The following BCAT1 variants were observed in gnomAD, a reference collection of about 807,000 sequenced individuals.
The protein encoded by BCAT1 is branched chain amino acid transaminase 1.
In BCAT1, 48 loss-of-function variants were observed where a neutral mutation model predicts 52.4. The ratio of observed to expected loss-of-function variants is 0.92; its 90% confidence interval spans 0.73 to 1.16. The LOEUF (loss-of-function observed/expected upper bound fraction) is 1.16. Among genes scored for constraint, BCAT1 ranks in the 50% most tolerant of loss-of-function variants. BCAT1 has a pLI of 0.00. For synonymous variants in BCAT1, 167 were observed against 161.3 expected (o/e 1.04, Z -0.27); for missense variants, 451 against 457.1 (o/e 0.99, Z 0.12).
intron 1 of BCAT1, among the ~76,000 whole-genome samples, chr12:24,929,572 T>C (rs983711105): frequency 6.6e-6 from 1 of 152,174 alleles, no homozygotes; most frequent in African/African-American, 2.4e-5. Flanking sequence ...GAAGATTTTA[T>C]CACCAGGGAG....
chr12:24,902,137 T>A, intron 1 of BCAT1: 2 of 1,446,902 alleles, frequency 1.4e-6, no homozygotes, highest in Non-Finnish European at 1.8e-6. Flanking sequence ...CAGGGAAGAC[T>A]GGTTAAATTC....
At position 24,841,961 on chromosome 12, in the gene BCAT1, G is replaced by A. The variant is rs1941189183; in HGVS notation, c.817+121C>T. ...CTATTTGGGCAGCAAAAGCACAGTAGTCCTTACTTAGCCTTTGGAACTGTG... is the reference window on the plus strand; with the variant it reads ...CTATTTGGGCAGCAAAAGCACAGTAATCCTTACTTAGCCTTTGGAACTGTG... On this transcript the variant is annotated intron_variant, in intron 7 of 10. Transcript: ENST00000261192. The A allele has an allele frequency of 1.5e-5, 17 of 1,142,410 alleles. No homozygotes were observed. The East Asian group carries it at 3.6e-4, about 24-fold the overall frequency. 70.8% of individuals were successfully genotyped at this position (1,142,410 alleles called of 1,614,324 possible).
In BCAT1 at chr12:24,873,581, G is replaced by T. The variant is rs78380414; in HGVS notation, c.510+4949C>A. Among the ~76,000 whole-genome samples, 64 of 152,276 alleles carry T rather than the reference G, an allele frequency of 4.2e-4. No individual in the cohort carries two copies. In the East Asian group the frequency reaches 0.012, roughly 29 times the overall value. ...GCTATACCTTATCCAAAAAGCTTCA[G>T]TCCAAAAAGCTTGGACTATCCCTTA... On this transcript the variant is annotated intron_variant, in intron 5 of 10. Coordinates refer to ENST00000261192, the MANE Select transcript of BCAT1 (RefSeq NM_005504.7).
intron 5 of BCAT1, among the ~76,000 whole-genome samples, chr12:24,866,167 G>A (rs2139537850): frequency 6.6e-6 from 1 of 152,290 alleles, no homozygotes; most frequent in South Asian, 2.1e-4. Context: ...CCCCACATTC[G>A]GAGCGACCGG....
intron 8 of BCAT1, among the ~76,000 whole-genome samples, chr12:24,833,630 C>T (rs17372766): frequency 0.25 from 37,884 of 151,842 alleles, 4,829 homozygotes; most frequent in Non-Finnish European, 0.27. Flanking sequence ...CAAGCACCCG[C>T]TATTATGCCA....
intron 1 of BCAT1, among the ~76,000 whole-genome samples, chr12:24,946,287 C>T (rs1169080069): frequency 6.6e-6 from 1 of 152,062 alleles, no homozygotes; most frequent in African/African-American, 2.4e-5. Flanking sequence ...AAATAAGGAA[C>T]AAAATATATA....
intron 1 of BCAT1, among the ~76,000 whole-genome samples, chr12:24,943,836 T>G (rs566690166): frequency 2.0e-5 from 3 of 151,852 alleles, no homozygotes; most frequent in African/African-American, 4.8e-5. Context: ...TACAAAAAAT[T>G]AGCCGGGCGT....
At chr12:24,869,991 T>G (rs1489602743) in intron 5 of BCAT1, among the ~76,000 whole-genome samples, 1 of 147,800 alleles carries the variant, frequency 6.8e-6, no homozygotes, top group Admixed American at 6.7e-5. Context: ...GGTGTGTGTG[T>G]GTGTGTGTAT....
At chr12:24,881,130 C>T (rs549918570) in intron 4 of BCAT1, among the ~76,000 whole-genome samples, 171 bp downstream of exon 4, 2 of 152,098 alleles carry the variant, frequency 1.3e-5, no homozygotes, top group African/African-American at 4.8e-5. Flanking sequence ...CCACCGTGCC[C>T]GGCCATTTTC....
chr12:24,836,358 C>A, intron 8 of BCAT1, 153 bp downstream of exon 8: 1 of 668,184 alleles, frequency 1.5e-6, no homozygotes, highest in Non-Finnish European at 2.5e-6. Flanking sequence ...CCAAGAAAGC[C>A]CTTCTAGAAG....
chr12:24,828,989 A>G (rs1940525105), intron 10 of BCAT1, among the ~76,000 whole-genome samples: 1 of 151,990 alleles, frequency 6.6e-6, no homozygotes, highest in South Asian at 2.1e-4. Context: ...CCTGGGTGAC[A>G]CAGCGAGACT....
intron 5 of BCAT1, among the ~76,000 whole-genome samples, chr12:24,866,278 G>A (rs891473152): frequency 2.6e-5 from 4 of 152,230 alleles, no homozygotes; most frequent in East Asian, 3.9e-4. Flanking sequence ...CCGGCGCCGC[G>A]CTAGATTTCT....
In BCAT1 at chr12:24,816,539, C is replaced by T; in HGVS notation, c.*1469G>A. 1 of 394,914 alleles carries T rather than the reference C, an allele frequency of 2.5e-6. No individual in the cohort carries two copies. The allele number at this position is 394,914 out of a possible 1,614,324, so 24.5% of individuals were successfully genotyped here. On this transcript the variant is annotated 3_prime_UTR_variant, in exon 11 of 11. Transcript: ENST00000261192. ...TCAAATCTCCATTCAAAGAAAAGAGCACCTGCAAAAACAGAGTATAAAAAT... is the reference window on the plus strand; with the variant it reads ...TCAAATCTCCATTCAAAGAAAAGAGTACCTGCAAAAACAGAGTATAAAAAT...
chr12:24,901,134 G>C (rs921336981), intron 2 of BCAT1, among the ~76,000 whole-genome samples: 1 of 152,178 alleles, frequency 6.6e-6, no homozygotes, highest in Non-Finnish European at 1.5e-5. Context: ...AAACTGATGA[G>C]TCAAGTTTCC....
At chr12:24,928,150 G>A (rs892219495) in intron 1 of BCAT1, among the ~76,000 whole-genome samples, 5 of 152,176 alleles carry the variant, frequency 3.3e-5, no homozygotes, top group Non-Finnish European at 5.9e-5. Context: ...GTTAAGTACT[G>A]GAAACTGAGT....
intron 5 of BCAT1, among the ~76,000 whole-genome samples, chr12:24,858,919 G>A (rs1941769457): frequency 6.6e-6 from 1 of 152,168 alleles, no homozygotes; most frequent in Non-Finnish European, 1.5e-5. Context: ...AATTAATCTT[G>A]TAAAAGAAAT....
intron 2 of BCAT1, among the ~76,000 whole-genome samples, chr12:24,900,288 T>TA (rs1334442581): frequency 6.6e-6 from 1 of 152,058 alleles, no homozygotes; most frequent in East Asian, 1.9e-4. Flanking sequence ...AATTAACAAA[T>TA]AAAAAAGATT....
rs756111173 is a variant in BCAT1, at chr12:24,821,138, C to G, written c.1120-3089G>C. Among the ~76,000 whole-genome samples, 124 of 152,216 alleles carry G rather than the reference C, an allele frequency of 8.1e-4. 2 individuals are homozygous for G. Among genetic ancestry groups the G allele is most frequent in the Admixed American group, 4.9e-3 (75 of 15,286 alleles). The stretch of plus-strand genomic sequence containing the variant: ...GACATTGGTAGGGAAGGGGGTGGAG[C>G]CTTTAACTTCTTATGTAACTAAGTC... On this transcript the variant is annotated intron_variant, in intron 10 of 10. Transcript: ENST00000261192.
intron 1 of BCAT1, among the ~76,000 whole-genome samples, chr12:24,906,486 G>A (rs1943227850): frequency 2.3e-5 from 2 of 88,410 alleles, no homozygotes; most frequent in African/African-American, 8.1e-5. Flanking sequence ...AGCTATGGGT[G>A]CGAAAGAGAA....
Sources: gnomAD v4.1 joint callset for allele counts (sites outside exome capture counted in the v4.1 genomes callset) on GRCh38, gnomAD v4.1.1 for gene constraint, MANE v1.5 for transcripts, NCBI Gene and HGNC (gene_info 2026-07-23, HGNC 2026-07-21) for gene names.